CELF2: variants seen among roughly 807,000 people sequenced by gnomAD.
CELF2 encodes CUGBP Elav-like family member 2, also known as CUG triplet repeat RNA-binding protein 2.
Under a neutral mutation model 62.6 loss-of-function variants are expected in CELF2, and 8 were observed. The ratio of observed to expected loss-of-function variants is 0.13; its 90% CI spans 0.07 to 0.23. The LOEUF (loss-of-function observed/expected upper bound fraction) is 0.23. Ranked by LOEUF, CELF2 falls within the 10% of genes least tolerant of loss-of-function variation. CELF2 has a pLI of 1.00. For missense variants in CELF2, 333 were observed against 671.0 expected, an observed-to-expected ratio of 0.50 and a Z score of 5.56; for synonymous variants, 258 against 250.0, an observed-to-expected ratio of 1.03 and a Z score of -0.30.
intron 1 of CELF2, among the ~76,000 whole-genome samples, chr10:11,025,213 G>A (rs1330510142): frequency 1.6e-5 from 1 of 61,368 alleles, no homozygotes. Flanking sequence ...ATATATGTGT[G>A]TGTGTGTGTG....
At chr10:10,550,211 G>T in the CELF2 span, among the ~76,000 whole-genome samples, 2 of 152,122 alleles carry the variant, frequency 1.3e-5, no homozygotes, top group Non-Finnish European at 2.9e-5. Flanking sequence ...ATGTTACTAA[G>T]CCAATCCTAA....
chr10:10,695,257 C>T, the CELF2 span, among the ~76,000 whole-genome samples: 22 of 145,592 alleles, frequency 1.5e-4, no homozygotes, highest in South Asian at 7.3e-4. Flanking sequence ...ATTTCTCCTT[C>T]GCTTATGAAG....
chr10:11,042,805 G>A (rs1052740192), intron 1 of CELF2, among the ~76,000 whole-genome samples: 9 of 152,154 alleles, frequency 5.9e-5, no homozygotes, highest in Non-Finnish European at 1.2e-4. Flanking sequence ...GTGGCCTCTT[G>A]TGTCTGGCTT....
chr10:10,745,134 A>G, the CELF2 span, among the ~76,000 whole-genome samples: 1 of 53,930 alleles, frequency 1.9e-5, no homozygotes, highest in African/African-American at 5.4e-5. Flanking sequence ...AAAACAAAAC[A>G]AAAAAAAACT....
At position 10,891,295 on chromosome 10, in the gene CELF2, C is replaced by A. The variant is rs951767911; in HGVS notation, c.54-28669C>A. 2.6e-5 allele frequency among the ~76,000 whole-genome samples: 4 copies of A among 152,234 alleles called. No individual in the cohort carries two copies. In the East Asian group the frequency reaches 7.7e-4, roughly 29 times the overall value. ...AAGGGCGTCTGGGGAGCAAGCAACACTAACTTAGCCTGATAGGCAAACTCC... is the reference window on the plus strand; with the variant it reads ...AAGGGCGTCTGGGGAGCAAGCAACAATAACTTAGCCTGATAGGCAAACTCC... On this transcript the variant is annotated intron_variant, in intron 1 of 13. Transcript: ENST00000636488.
intron 1 of CELF2, among the ~76,000 whole-genome samples, chr10:10,874,180 A>T (rs1447935337): frequency 6.6e-6 from 1 of 152,082 alleles, no homozygotes; most frequent in African/African-American, 2.4e-5. Context: ...TTAGCCAGGC[A>T]TGGTGGCACA....
intron 1 of CELF2, among the ~76,000 whole-genome samples, chr10:11,163,070 C>T (rs752241347): frequency 2.6e-5 from 4 of 152,104 alleles, no homozygotes; most frequent in Admixed American, 2.0e-4. Context: ...AGGCATTGGC[C>T]GGCTCCTCTA....
At chr10:10,487,221 T>C in the CELF2 span, among the ~76,000 whole-genome samples, 1 of 152,200 alleles carries the variant, frequency 6.6e-6, no homozygotes, top group Non-Finnish European at 1.5e-5. Context: ...TTACTATTAT[T>C]ATTAGATATT....
At chr10:11,213,308 A>G (rs2062423861) in intron 2 of CELF2, among the ~76,000 whole-genome samples, 1 of 152,228 alleles carries the variant, frequency 6.6e-6, no homozygotes, top group Non-Finnish European at 1.5e-5. Flanking sequence ...TTGCCCCTGA[A>G]TCAGACTGCT....
At chr10:10,605,772 C>T in the CELF2 span, among the ~76,000 whole-genome samples, 7 of 152,316 alleles carry the variant, frequency 4.6e-5, no homozygotes, top group East Asian at 1.4e-3. Context: ...CTGTGAGAAA[C>T]AGCAAAGTCA....
chr10:11,199,834 A>G (rs1233995455), intron 2 of CELF2, among the ~76,000 whole-genome samples: 2 of 152,220 alleles, frequency 1.3e-5, no homozygotes, highest in Admixed American at 1.3e-4. Context: ...ATGAAGACTA[A>G]TAAGATAAAA....
chr10:10,508,659 G>GATGT, the CELF2 span, among the ~76,000 whole-genome samples: 1,148 of 78,060 alleles, frequency 0.015, 15 homozygotes, highest in African/African-American at 0.048. Flanking sequence ...TTCTTAAACA[G>GATGT]ATGTGTGTGT....
chr10:10,583,641 G>A, the CELF2 span, among the ~76,000 whole-genome samples: 54 of 152,302 alleles, frequency 3.5e-4, no homozygotes, highest in African/African-American at 1.3e-3. Context: ...ACCCAAGGCA[G>A]CTCACCAGAG....
intron 1 of CELF2, among the ~76,000 whole-genome samples, chr10:10,877,904 C>G (rs2061211092): frequency 6.6e-6 from 1 of 152,186 alleles, no homozygotes; most frequent in Non-Finnish European, 1.5e-5. Flanking sequence ...GAGCATACAT[C>G]TCTTTTATTC....
At chr10:11,094,420 C>T (rs758518143) in intron 1 of CELF2, among the ~76,000 whole-genome samples, 2 of 152,088 alleles carry the variant, frequency 1.3e-5, no homozygotes, top group Non-Finnish European at 2.9e-5. Context: ...TTTGAAACTA[C>T]CTTGTCTGTC....
chr10:10,812,638 A>G (rs1590682658), intron 1 of CELF2, among the ~76,000 whole-genome samples: 1 of 152,006 alleles, frequency 6.6e-6, no homozygotes, highest in East Asian at 1.9e-4. Flanking sequence ...CATGCTTTCT[A>G]ATTTCACCTG....
intron 1 of CELF2, among the ~76,000 whole-genome samples, chr10:11,040,716 T>C (rs977894534): frequency 2.7e-5 from 4 of 150,236 alleles, no homozygotes; most frequent in Non-Finnish European, 5.9e-5. Context: ...AATGATTTTT[T>C]ATTTCCCTTT....
At chr10:10,540,591 T>G in the CELF2 span, among the ~76,000 whole-genome samples, 1 of 152,192 alleles carries the variant, frequency 6.6e-6, no homozygotes, top group African/African-American at 2.4e-5. Context: ...GAGTGAAATG[T>G]TGATTCTCCC....
chr10:10,546,990 C>G, the CELF2 span, among the ~76,000 whole-genome samples: 62 of 152,096 alleles, frequency 4.1e-4, no homozygotes, highest in East Asian at 0.011. Context: ...GCCTGTGATC[C>G]CAACTCTTTG....
Sources: gnomAD v4.1 joint callset for allele counts (sites outside exome capture counted in the v4.1 genomes callset) on GRCh38, gnomAD v4.1.1 for gene constraint, MANE v1.5 for transcripts, NCBI Gene and HGNC (gene_info 2026-07-23, HGNC 2026-07-21) for gene names.